The following EML1 variants were observed in gnomAD, a reference collection of about 807,000 sequenced individuals.
EML1 encodes EMAP like 1.
Under a neutral mutation model 110.4 loss-of-function variants are expected in EML1, and 27 were observed. That is an observed-to-expected ratio of 0.24 (90% CI 0.18 to 0.34). The LOEUF (loss-of-function observed/expected upper bound fraction) is 0.34, where lower values mean the gene tolerates loss of function less well. Among genes scored for constraint, EML1 ranks in the 10% least tolerant of loss-of-function variants. The pLI is 1.00. For missense variants in EML1, 741 were observed against 1,030.9 expected, an observed-to-expected ratio of 0.72 and a Z score of 3.85; for synonymous variants, 344 against 385.8, an observed-to-expected ratio of 0.89 and a Z score of 1.27.
At position 99,843,210 on chromosome 14, in the gene EML1, C is replaced by T. The variant is rs541935771; in HGVS notation, c.68-7643C>T. The stretch of plus-strand genomic sequence containing the variant: ...AGGCTCCAGTGAGCTGTAATCGCAC[C>T]ACTGCACTCCAGCCTGGGCAACAGA... On this transcript the variant is annotated intron_variant, in intron 1 of 21. Coordinates refer to ENST00000262233, the MANE Select transcript of EML1 (RefSeq NM_004434.3). Among the ~76,000 whole-genome samples the T allele has an allele frequency of 7.9e-5, 12 of 152,254 alleles. No individual in the cohort carries two copies. The South Asian group carries it at 2.5e-3, about 32-fold the overall frequency.
At chr14:99,770,778 G>GTTT (rs1198007774), upstream of EML1, among the ~76,000 whole-genome samples, 1 of 79,542 alleles carries the variant, frequency 1.3e-5, no homozygotes, top group Non-Finnish European at 2.5e-5. Context: ...AGTTTCCGCT[G>GTTT]ATTTTTTTTT....
At chr14:99,790,331 G>A (rs565690202), upstream of EML1, among the ~76,000 whole-genome samples, 1 of 151,788 alleles carries the variant, frequency 6.6e-6, no homozygotes, top group East Asian at 1.9e-4. Flanking sequence ...TTTTAAGATC[G>A]GGTCTCACTC....
intron 17 of EML1, among the ~76,000 whole-genome samples, chr14:99,929,802 T>C (rs1195793290): frequency 6.6e-6 from 1 of 152,218 alleles, no homozygotes; most frequent in Non-Finnish European, 1.5e-5. Context: ...CCGAGATCTG[T>C]AGCCCATCTC....
At chr14:99,853,885 G>T (rs572625656) in intron 2 of EML1, among the ~76,000 whole-genome samples, 9 of 152,160 alleles carry the variant, frequency 5.9e-5, no homozygotes, top group African/African-American at 2.2e-4. Flanking sequence ...TGGCCAGGCC[G>T]GTTTTGAACT....
chr14:99,793,118 C>A (rs2057697566), upstream of EML1, among the ~76,000 whole-genome samples: 1 of 150,140 alleles, frequency 6.7e-6, no homozygotes, highest in Non-Finnish European at 1.5e-5. Context: ...CGGGGCCTGG[C>A]CAAGGGGACA....
rs775168648 is a variant in EML1 at position 99,911,538 on chromosome 14, T to A, written c.1456T>A (p.Ser486Thr). 1.4e-4 allele frequency: 231 copies of A among 1,612,698 alleles called. No homozygotes were observed. Among genetic ancestry groups the A allele is most frequent in the Non-Finnish European group, 1.7e-4 (201 of 1,179,816 alleles). ...AGGTGGGAAAGACCGAAAGCTCATT[T>A]CTTGGAGCGGAAACTATCAAAAACT... ...SGGGKDRKLISWSGNYQKLRK... is the reference protein window; with the variant it reads ...SGGGKDRKLITWSGNYQKLRK... The change falls in exon 13 of 22, where the codon TCT (serine) becomes ACT (threonine). Residue 486 changes from serine (S) to threonine (T), a missense_variant. Ser to Thr is a moderately conservative substitution (Grantham distance 58). Coordinates refer to ENST00000262233, the MANE Select transcript of EML1 (RefSeq NM_004434.3).
intron 5 of EML1, 45 bp from the exon 6 acceptor site, chr14:99,894,584 G>T (rs143655192): frequency 3.8e-6 from 6 of 1,581,228 alleles, no homozygotes; most frequent in East Asian, 2.3e-5. Flanking sequence ...TTTCAGGTAC[G>T]CTGGGCACTG....
intron 8 of EML1, 113 bp from the exon 9 acceptor site, chr14:99,900,816 T>G: frequency 1.2e-6 from 1 of 841,384 alleles, no homozygotes; most frequent in East Asian, 2.5e-5. Flanking sequence ...CAGAAAAAGA[T>G]CTTTTGTTTT....
chr14:99,806,158 C>G (rs2057969644), intron 1 of EML1, among the ~76,000 whole-genome samples: 1 of 152,056 alleles, frequency 6.6e-6, no homozygotes, highest in Admixed American at 6.5e-5. Flanking sequence ...GAATGTTTAA[C>G]TAAAAGGTTC....
intron 17 of EML1, among the ~76,000 whole-genome samples, chr14:99,931,879 G>T (rs573267827): frequency 1.1e-4 from 17 of 152,318 alleles, no homozygotes; most frequent in Non-Finnish European, 2.4e-4. Context: ...CTGCCGTCTT[G>T]CCGGGCAGTC....
chr14:99,789,088 C>T (rs564286196), upstream of EML1, among the ~76,000 whole-genome samples: 1 of 152,280 alleles, frequency 6.6e-6, no homozygotes, highest in East Asian at 1.9e-4. Context: ...GCTCCCACCC[C>T]TCGGCTATTG....
upstream of EML1, among the ~76,000 whole-genome samples, chr14:99,793,130 C>A (rs2057697957): frequency 6.7e-6 from 1 of 149,648 alleles, no homozygotes; most frequent in Non-Finnish European, 1.5e-5. Flanking sequence ...AAGGGGACAG[C>A]GGGCGGCAGA....
chr14:99,830,023 C>T (rs1222122647), intron 1 of EML1, among the ~76,000 whole-genome samples: 3 of 152,186 alleles, frequency 2.0e-5, no homozygotes, highest in East Asian at 1.9e-4. Context: ...GTAGAATTGC[C>T]GGATCATATG....
chr14:99,893,913 T>C (rs184458817), intron 5 of EML1, among the ~76,000 whole-genome samples: 5 of 152,352 alleles, frequency 3.3e-5, no homozygotes, highest in Admixed American at 1.3e-4. Context: ...AGTTACCCCG[T>C]GTTGATACGT....
chr14:99,916,271 T>C (rs1306017303), intron 15 of EML1, among the ~76,000 whole-genome samples: 3 of 152,232 alleles, frequency 2.0e-5, no homozygotes, highest in African/African-American at 7.2e-5. Flanking sequence ...CTTAGATGAA[T>C]GACACAGACA....
At chr14:99,886,005 A>T (rs1319652278) in intron 4 of EML1, 5 of 395,406 alleles carry the variant, frequency 1.3e-5, no homozygotes, top group Non-Finnish European at 2.0e-5. Flanking sequence ...TCTATGAAGC[A>T]GTCGCTTTTG....
At chr14:99,863,345 A>T (rs1595395654) in intron 2 of EML1, among the ~76,000 whole-genome samples, 2 of 152,124 alleles carry the variant, frequency 1.3e-5, no homozygotes, top group South Asian at 4.1e-4. Context: ...TCATTCCATC[A>T]TGGGGTTTCC....
chr14:99,939,623 G>A lies in EML1; in HGVS notation c.2322+296G>A, dbSNP rs2060545160. 6.6e-6 allele frequency among the ~76,000 whole-genome samples: 1 copy of A among 152,110 alleles called. No individual in the cohort carries two copies. The highest frequency in any genetic ancestry group is 1.5e-5 in the Non-Finnish European group (1 of 68,012). On this transcript the variant is annotated intron_variant, in intron 21 of 21. Coordinates refer to ENST00000262233, the MANE Select transcript of EML1 (RefSeq NM_004434.3). The surrounding 1 kb of genome is among the most constrained non-coding windows in gnomAD (Gnocchi z 4.2). ...GGCCCTGCTCAGCCGCGCCAGCCCT[G>A]AGCCCTGGGACGCCCTTCTTCATCC...
intron 1 of EML1, among the ~76,000 whole-genome samples, chr14:99,797,425 T>C (rs2057795885): frequency 6.6e-6 from 1 of 152,240 alleles, no homozygotes; most frequent in African/African-American, 2.4e-5. Context: ...TGCACATTTT[T>C]GTGTGGACCT....
Sources: gnomAD v4.1 joint callset for allele counts (sites outside exome capture counted in the v4.1 genomes callset) on GRCh38, gnomAD v4.1.1 for gene constraint, Gnocchi (gnomAD v3.1) non-coding constraint, MANE v1.5 for transcripts, NCBI Gene and HGNC (gene_info 2026-07-23, HGNC 2026-07-21) for gene names.